Variants in AUTS2 observed in about 807,000 individuals in gnomAD.
AUTS2 encodes activator of transcription and developmental regulator AUTS2.
Under a neutral mutation model 112.4 loss-of-function variants are expected in AUTS2, and 17 were observed. That is an observed-to-expected ratio of 0.15 (90% CI 0.10 to 0.23). AUTS2 has a LOEUF of 0.23. Among genes scored for constraint, AUTS2 ranks in the 10% least tolerant of loss-of-function variants. The pLI is 1.00. For synonymous variants in AUTS2, 751 were observed against 702.7 expected, an observed-to-expected ratio of 1.07 and a Z score of -1.09; for missense variants, 1,510 against 1,701.6, an observed-to-expected ratio of 0.89 and a Z score of 1.98.
chr7:69,823,562 C>T (rs1019031206), intron 1 of AUTS2, among the ~76,000 whole-genome samples: 4 of 152,174 alleles, frequency 2.6e-5, no homozygotes, highest in East Asian at 1.9e-4. Flanking sequence ...TCAGCTTACT[C>T]GTTTGTGTAC....
chr7:70,764,632 A>C lies in AUTS2; in HGVS notation c.1215-120A>C, dbSNP rs549802892. On this transcript the variant is annotated intron_variant, in intron 7 of 18. Transcript: ENST00000342771. ...GCTCGTACAGGGAGGATCTGTAAAG[A>C]GGAAGGGGCAAGAGAGACTGTGGTG... 3.3e-3 allele frequency: 2,114 copies of C among 635,792 alleles called. 12 individuals carry two copies. The highest frequency in any genetic ancestry group is 6.2e-3 in the South Asian group (322 of 52,018). 39.4% of individuals were successfully genotyped at this position (635,792 alleles called of 1,614,324 possible).
chr7:70,303,892 T>C (rs1789361623), intron 4 of AUTS2, among the ~76,000 whole-genome samples: 1 of 152,208 alleles, frequency 6.6e-6, no homozygotes, highest in Non-Finnish European at 1.5e-5. Context: ...GATTGTGTGA[T>C]ATAGGAAGGG....
intron 5 of AUTS2, among the ~76,000 whole-genome samples, chr7:70,681,969 A>G (rs988413851): frequency 3.9e-5 from 6 of 152,150 alleles, no homozygotes; most frequent in Non-Finnish European, 7.4e-5. Context: ...TTATAAACTA[A>G]CTGTCCGTGG....
intron 5 of AUTS2, among the ~76,000 whole-genome samples, chr7:70,540,591 G>A (rs1210741303): frequency 6.6e-6 from 1 of 152,204 alleles, no homozygotes; most frequent in African/African-American, 2.4e-5. Flanking sequence ...ATCACGTGCT[G>A]TGTTTGGTGG....
chr7:70,775,592 T>A (rs1009747531), intron 13 of AUTS2, among the ~76,000 whole-genome samples: 3 of 152,044 alleles, frequency 2.0e-5, no homozygotes, highest in Non-Finnish European at 4.4e-5. Flanking sequence ...TTTTTTTTTT[T>A]ATCTCTACAA....
chr7:70,772,380 T>C (rs979841767), intron 11 of AUTS2, among the ~76,000 whole-genome samples: 1 of 152,262 alleles, frequency 6.6e-6, no homozygotes, highest in Non-Finnish European at 1.5e-5. Flanking sequence ...AAGGTCAATA[T>C]TGAAGAGTCA....
intron 1 of AUTS2, among the ~76,000 whole-genome samples, chr7:69,812,598 T>C (rs900820536): frequency 4.6e-5 from 7 of 152,214 alleles, no homozygotes; most frequent in African/African-American, 1.2e-4. Flanking sequence ...GGGATGCCCT[T>C]GGTGCGTCCG....
intron 5 of AUTS2, among the ~76,000 whole-genome samples, chr7:70,649,499 A>AT (rs371826088): frequency 8.6e-5 from 10 of 115,970 alleles, no homozygotes; most frequent in African/African-American, 3.3e-4. Context: ...GTGGTGATTT[A>AT]TTTTATTTAT....
At chr7:70,511,283 T>G (rs577793156) in intron 5 of AUTS2, among the ~76,000 whole-genome samples, 71 of 152,160 alleles carry the variant, frequency 4.7e-4, no homozygotes, top group African/African-American at 1.6e-3. Context: ...AAACCAAACA[T>G]CAGATTTCCA....
intron 4 of AUTS2, among the ~76,000 whole-genome samples, chr7:70,311,588 G>A (rs941474769): frequency 4.6e-5 from 7 of 152,040 alleles, no homozygotes; most frequent in South Asian, 2.1e-4. Context: ...TTACAGTCTC[G>A]TTCTGTCACC....
intron 5 of AUTS2, among the ~76,000 whole-genome samples, chr7:70,647,395 G>A (rs75147458): frequency 0.048 from 7,311 of 152,286 alleles, 266 homozygotes; most frequent in Middle Eastern, 0.14. Context: ...CAAGATGACC[G>A]GTAAAGGCCA....
chr7:70,466,447 T>C (rs1475844674), intron 5 of AUTS2, among the ~76,000 whole-genome samples: 2 of 152,226 alleles, frequency 1.3e-5, no homozygotes, highest in East Asian at 3.8e-4. Context: ...GCCATATATT[T>C]ACCAAAACCT....
At chr7:70,600,425 G>A (rs901218622) in intron 5 of AUTS2, among the ~76,000 whole-genome samples, 4 of 152,000 alleles carry the variant, frequency 2.6e-5, no homozygotes, top group Admixed American at 1.3e-4. Flanking sequence ...ACAGGCGCCC[G>A]CCACCACTCC....
chr7:70,751,049 C>T (rs913563119), intron 6 of AUTS2, among the ~76,000 whole-genome samples: 9 of 152,204 alleles, frequency 5.9e-5, no homozygotes, highest in African/African-American at 2.2e-4. Context: ...ATATCACAGA[C>T]ATGTTGATGT....
chr7:70,515,515 A>G (rs1403847111), intron 5 of AUTS2, among the ~76,000 whole-genome samples: 1 of 152,074 alleles, frequency 6.6e-6, no homozygotes, highest in Non-Finnish European at 1.5e-5. Flanking sequence ...TGTTTCCATC[A>G]TCCCTTGGCC....
chr7:69,976,460 T>C (rs936923474), intron 2 of AUTS2, among the ~76,000 whole-genome samples: 2 of 152,216 alleles, frequency 1.3e-5, no homozygotes, highest in South Asian at 4.1e-4. Flanking sequence ...TATAAGACCC[T>C]GCTTTTAGTT....
At chr7:70,549,088 T>C (rs1800914591) in intron 5 of AUTS2, among the ~76,000 whole-genome samples, 1 of 152,208 alleles carries the variant, frequency 6.6e-6, no homozygotes, top group South Asian at 2.1e-4. Flanking sequence ...CTCTCAACAA[T>C]GTATTATAGT....
chr7:70,186,108 GA>G (rs955624780), intron 4 of AUTS2, among the ~76,000 whole-genome samples: 1 of 152,066 alleles, frequency 6.6e-6, no homozygotes, highest in African/African-American at 2.4e-5. Flanking sequence ...TTTTTGCCTT[GA>G]ATCTTATGCT....
At chr7:70,259,938 G>A (rs1427891388) in intron 4 of AUTS2, among the ~76,000 whole-genome samples, 1 of 151,854 alleles carries the variant, frequency 6.6e-6, no homozygotes, top group African/African-American at 2.4e-5. Flanking sequence ...AATGAAAACT[G>A]TGGTTAAAAC....
Sources: gnomAD v4.1 joint callset for allele counts (sites outside exome capture counted in the v4.1 genomes callset) on GRCh38, gnomAD v4.1.1 for gene constraint, MANE v1.5 for transcripts, NCBI Gene and HGNC (gene_info 2026-07-23, HGNC 2026-07-21) for gene names.